The following RNF220 variants were observed in gnomAD, a reference collection of about 807,000 sequenced individuals.
RNF220 encodes the protein ring finger protein 220, also known as E3 ubiquitin-protein ligase RNF220.
Under a neutral mutation model 67.1 loss-of-function variants are expected in RNF220, and 7 were observed. The observed-to-expected ratio is 0.10, with a 90% CI of 0.06 to 0.20. The LOEUF (loss-of-function observed/expected upper bound fraction) is 0.20, where lower values mean the gene tolerates loss of function less well. Among genes scored for constraint, RNF220 ranks in the 10% least tolerant of loss-of-function variants. The probability of loss-of-function intolerance (pLI) is 1.00; values close to 1 mark genes in which losing one functional copy is unlikely to be tolerated. For synonymous variants in RNF220, 270 were observed against 283.2 expected (o/e 0.95, Z 0.47); for missense variants, 565 against 740.3 (o/e 0.76, Z 2.75).
At chr1:44,451,378 A>C (rs1295762649) in intron 2 of RNF220, among the ~76,000 whole-genome samples, 3 of 152,136 alleles carry the variant, frequency 2.0e-5, no homozygotes, top group African/African-American at 7.2e-5. Flanking sequence ...TACTAATGAA[A>C]TTGAGCATGC....
chr1:44,436,385 C>T (rs535733478), intron 2 of RNF220, among the ~76,000 whole-genome samples: 1 of 145,244 alleles, frequency 6.9e-6, no homozygotes, highest in East Asian at 2.1e-4. Flanking sequence ...GTTTTCTTGT[C>T]GAGATCGTGT....
At chr1:44,648,048 TG>T (rs1644697448) in intron 12 of RNF220, among the ~76,000 whole-genome samples, 1 of 152,268 alleles carries the variant, frequency 6.6e-6, no homozygotes, top group African/African-American at 2.4e-5. Context: ...TGCCTACATG[TG>T]GGCCTTCTAG....
chr1:44,603,107 G>A (rs554092717), intron 2 of RNF220, among the ~76,000 whole-genome samples: 9 of 152,230 alleles, frequency 5.9e-5, no homozygotes, highest in South Asian at 2.1e-4. Flanking sequence ...GTTTCCCAAC[G>A]CAATTGAAAA....
chr1:44,560,405 C>T (rs1663474124), intron 2 of RNF220, among the ~76,000 whole-genome samples: 1 of 152,142 alleles, frequency 6.6e-6, no homozygotes, highest in African/African-American at 2.4e-5. Context: ...CAGTTCGGCT[C>T]CTGGAGGTAG....
intron 2 of RNF220, among the ~76,000 whole-genome samples, chr1:44,545,775 A>G (rs1446343020): frequency 7.5e-6 from 1 of 132,678 alleles, no homozygotes; most frequent in Non-Finnish European, 1.5e-5. Flanking sequence ...TTTTTTTTTG[A>G]GATGGAGTCT....
chr1:44,421,401 G>A (rs549270130), intron 2 of RNF220, among the ~76,000 whole-genome samples: 28 of 152,040 alleles, frequency 1.8e-4, no homozygotes, highest in Non-Finnish European at 2.4e-4. Context: ...TGGGTTTCTC[G>A]TGTGTCCTTA....
chr1:44,463,089 C>T lies in RNF220; in HGVS notation c.625+50367C>T, dbSNP rs1204932145. Among the ~76,000 whole-genome samples the T allele has an allele frequency of 2.0e-5, 3 of 152,138 alleles. No homozygotes were observed. The East Asian group carries it at 5.8e-4, about 29-fold the overall frequency. On this transcript the variant is annotated intron_variant, in intron 2 of 14. Coordinates refer to ENST00000361799, the MANE Select transcript of RNF220 (RefSeq NM_018150.4). ...CAGTGGCTCACGCCTGTAATCCCAGCACTTTGGGAGACTGAGGCGGGCAGA... is the reference window on the plus strand; with the variant it reads ...CAGTGGCTCACGCCTGTAATCCCAGTACTTTGGGAGACTGAGGCGGGCAGA...
chr1:44,596,381 G>A (rs1666488931), intron 2 of RNF220, among the ~76,000 whole-genome samples: 1 of 152,110 alleles, frequency 6.6e-6, no homozygotes, highest in African/African-American at 2.4e-5. Context: ...GGCCAATATG[G>A]TGAAACCCTG....
chr1:44,535,939 T>A (rs1661187346), intron 2 of RNF220, among the ~76,000 whole-genome samples: 1 of 152,142 alleles, frequency 6.6e-6, no homozygotes, highest in South Asian at 2.1e-4. Context: ...CTCTGCAAAT[T>A]TTCCTTCAGC....
At chr1:44,506,062 A>C (rs940605696) in intron 2 of RNF220, among the ~76,000 whole-genome samples, 2 of 152,248 alleles carry the variant, frequency 1.3e-5, no homozygotes, top group African/African-American at 2.4e-5. Flanking sequence ...GCAGCAAACA[A>C]GACAAAACAA....
At chr1:44,484,788 T>C (rs966711577) in intron 2 of RNF220, among the ~76,000 whole-genome samples, 1 of 152,204 alleles carries the variant, frequency 6.6e-6, no homozygotes, top group Non-Finnish European at 1.5e-5. Context: ...TTCTCTCCTA[T>C]GCATCTGGAT....
chr1:44,420,377 A>G (rs185127345), intron 2 of RNF220, among the ~76,000 whole-genome samples: 5 of 152,318 alleles, frequency 3.3e-5, no homozygotes, highest in Non-Finnish European at 4.4e-5. Flanking sequence ...CTTTACATCA[A>G]TCTTAGTGCA....
At chr1:44,584,597 G>A (rs1408830657) in intron 2 of RNF220, among the ~76,000 whole-genome samples, 3 of 152,222 alleles carry the variant, frequency 2.0e-5, no homozygotes, top group Non-Finnish European at 4.4e-5. Flanking sequence ...AGTAGTTGCA[G>A]GTACTGGAAC....
At chr1:44,576,641 CT>C (rs1235341337) in intron 2 of RNF220, among the ~76,000 whole-genome samples, 1 of 152,060 alleles carries the variant, frequency 6.6e-6, no homozygotes, top group Admixed American at 6.5e-5. Context: ...AGCTGAGCAG[CT>C]GGGCTCCATC....
chr1:44,631,734 G>A (rs1222991164), intron 5 of RNF220: 4 of 233,344 alleles, frequency 1.7e-5, no homozygotes, highest in African/African-American at 7.0e-5. Context: ...GCCGGGGCCG[G>A]GCGATGGGGC....
intron 2 of RNF220, among the ~76,000 whole-genome samples, chr1:44,530,629 C>T (rs1284190969): frequency 6.6e-6 from 1 of 151,546 alleles, no homozygotes; most frequent in Non-Finnish European, 1.5e-5. Context: ...AGATGAAATA[C>T]GTAGCACAGC....
intron 2 of RNF220, among the ~76,000 whole-genome samples, chr1:44,468,650 A>G (rs1052902197): frequency 6.6e-6 from 1 of 152,222 alleles, no homozygotes; most frequent in Non-Finnish European, 1.5e-5. Context: ...GCAGTGGCTC[A>G]TGCCTATAAT....
chr1:44,496,583 C>T (rs541026233), intron 2 of RNF220, among the ~76,000 whole-genome samples: 6 of 152,308 alleles, frequency 3.9e-5, no homozygotes, highest in East Asian at 1.9e-4. Context: ...CCACATGCCC[C>T]GGCGTAGGAA....
At chr1:44,636,448 G>A (rs778372890) in intron 8 of RNF220, 9 of 717,522 alleles carry the variant, frequency 1.3e-5, no homozygotes, top group African/African-American at 7.0e-5. Context: ...CAGCCAAGCC[G>A]CGTTAGCACC....
Sources: gnomAD v4.1 joint callset for allele counts (sites outside exome capture counted in the v4.1 genomes callset) on GRCh38, gnomAD v4.1.1 for gene constraint, MANE v1.5 for transcripts, NCBI Gene and HGNC (gene_info 2026-07-23, HGNC 2026-07-21) for gene names.